Variants in GNB1L observed in about 807,000 individuals in gnomAD.
GNB1L encodes the protein guanine nucleotide-binding protein subunit beta-like protein 1.
GNB1L carries 20 observed loss-of-function variants against 29.1 expected under a neutral mutation model. The observed-to-expected ratio is 0.69, with a 90% CI of 0.48 to 1.00. The LOEUF (loss-of-function observed/expected upper bound fraction) is 1.00, where lower values mean the gene tolerates loss of function less well. Among genes scored for constraint, GNB1L ranks in the 50% least tolerant of loss-of-function variants. GNB1L has a pLI of 0.00. For missense variants in GNB1L, 421 were observed against 464.9 expected, an observed-to-expected ratio of 0.91 and a Z score of 0.87; for synonymous variants, 193 against 206.5, an observed-to-expected ratio of 0.93 and a Z score of 0.56.
intron 2 of GNB1L, chr22:19,847,222 C>T (rs560877715): frequency 2.1e-4 from 209 of 985,480 alleles, no homozygotes; most frequent in Middle Eastern, 1.0e-3. Context: ...GCCCCAGCCA[C>T]GGTGGCCCAC....
intron 7 of GNB1L, among the ~76,000 whole-genome samples, chr22:19,800,518 C>G (rs1263151421): frequency 6.6e-6 from 1 of 152,186 alleles, no homozygotes; most frequent in African/African-American, 2.4e-5. Context: ...GACCCAGCAC[C>G]CAGAGTGGCT....
chr22:19,806,090 C>T (rs752323878), intron 6 of GNB1L, among the ~76,000 whole-genome samples: 243 of 152,280 alleles, frequency 1.6e-3, no homozygotes, highest in Admixed American at 6.3e-3. Flanking sequence ...CCGACCTGTG[C>T]CCCGGCTGAT....
At chr22:19,840,962 T>C (rs113216452) in intron 2 of GNB1L, among the ~76,000 whole-genome samples, 3,696 of 152,318 alleles carry the variant, frequency 0.024, 150 homozygotes, top group African/African-American at 0.085. Flanking sequence ...GCCTGACCAG[T>C]GCTCCTCAAA....
chr22:19,800,229 G>A (rs1937353812), intron 7 of GNB1L, among the ~76,000 whole-genome samples: 1 of 152,238 alleles, frequency 6.6e-6, no homozygotes, highest in Non-Finnish European at 1.5e-5. Flanking sequence ...TCCAGCAGCT[G>A]TTTCCCAAAC....
rs377033208 is a variant in GNB1L, at chr22:19,784,604, C to T, written c.*4105G>A. On this transcript the variant is annotated 3_prime_UTR_variant, in exon 8 of 8. Coordinates refer to ENST00000329517, the MANE Select transcript of GNB1L (RefSeq NM_053004.3). ...GCCCGCGGATGGGGTGCTGGCCGAA[C>T]CTACCTTGTAAAGTGGGGCTGCACA... 10 of 152,504 alleles carry T rather than the reference C, an allele frequency of 6.6e-5. No homozygotes were observed. In the South Asian group the frequency reaches 1.7e-3, roughly 25 times the overall value. The allele number at this position is 152,504 out of a possible 1,614,324, so 9.4% of individuals were successfully genotyped here.
At chr22:19,848,235 G>T (rs1238148063) in intron 2 of GNB1L, 22 of 985,106 alleles carry the variant, frequency 2.2e-5, no homozygotes, top group Non-Finnish European at 2.5e-5. Flanking sequence ...ATTTCCAAGG[G>T]AAGTGAAGGA....
At chr22:19,827,452 G>C (rs1937628126) in intron 2 of GNB1L, among the ~76,000 whole-genome samples, 3 of 152,146 alleles carry the variant, frequency 2.0e-5, no homozygotes. Context: ...AGAAAGACAA[G>C]TCCACACTGG....
rs2145856405 is a variant in GNB1L at position 19,786,773 on chromosome 22, G to A, written c.*1936C>T. ...GTGACAGCCTGTGATGAGCACCCAG[G>A]GCACAGCTCCCTCAGCACCTGCAGT... On this transcript the variant is annotated 3_prime_UTR_variant, in exon 8 of 8. Coordinates refer to ENST00000329517, the MANE Select transcript of GNB1L (RefSeq NM_053004.3). 6.6e-6 allele frequency: 1 copy of A among 152,390 alleles called. No homozygotes were observed. The highest frequency in any genetic ancestry group is 2.1e-4 in the South Asian group (1 of 4,824). 9.4% of individuals were successfully genotyped at this position (152,390 alleles called of 1,614,324 possible).
Position 19,811,765 on chromosome 22 carries a change from C to T in GNB1L, c.417+520G>A, listed in dbSNP as rs192156285. 2.1e-3 allele frequency among the ~76,000 whole-genome samples: 327 copies of T among 152,238 alleles called. 1 individual carries two copies. The highest frequency in any genetic ancestry group is 7.5e-3 in the African/African-American group (312 of 41,522). On this transcript the variant is annotated intron_variant, in intron 5 of 7. Coordinates refer to ENST00000329517, the MANE Select transcript of GNB1L (RefSeq NM_053004.3). Reference sequence around the variant, plus strand: ...ATCACCACCTTGTGCCTGCACCCACCCATCCCAGCCCTGGTTGTGTGCCCT... The same window carrying T: ...ATCACCACCTTGTGCCTGCACCCACTCATCCCAGCCCTGGTTGTGTGCCCT...
intron 4 of GNB1L, among the ~76,000 whole-genome samples, chr22:19,814,407 AG>A (rs1325409544): frequency 2.0e-5 from 3 of 152,280 alleles, no homozygotes; most frequent in Admixed American, 2.0e-4. Flanking sequence ...CCCAGATGTT[AG>A]TAATTACTGC....
intron 2 of GNB1L, chr22:19,846,878 T>A: frequency 1.4e-5 from 13 of 956,736 alleles, no homozygotes; most frequent in Non-Finnish European, 1.5e-5. Flanking sequence ...TTAAGTCCCC[T>A]AGCCTGCGGT....
At chr22:19,829,626 T>C (rs985286872) in intron 2 of GNB1L, among the ~76,000 whole-genome samples, 6 of 152,146 alleles carry the variant, frequency 3.9e-5, no homozygotes, top group Non-Finnish European at 8.8e-5. Flanking sequence ...CAAGACCCAA[T>C]ATCACATTAA....
rs1192904818 is a variant in GNB1L at position 19,786,276 on chromosome 22, A to ACACT, written c.*2429_*2432dup. 14 of 152,300 alleles carry ACACT rather than the reference A, an allele frequency of 9.2e-5. No individual in the cohort carries two copies. Among genetic ancestry groups the ACACT allele is most frequent in the Non-Finnish European group, 1.9e-4 (13 of 68,110 alleles). 9.4% of individuals were successfully genotyped at this position (152,300 alleles called of 1,614,324 possible). ...GAGATTCAGAACAAGATGTGCCTGG[A>ACACT]CACTGCTCAACGCCACATGGCCTGG... On this transcript the variant is annotated 3_prime_UTR_variant, in exon 8 of 8. Coordinates refer to ENST00000329517, the MANE Select transcript of GNB1L (RefSeq NM_053004.3).
At position 19,787,769 on chromosome 22, in the gene GNB1L, C is replaced by G. The variant is rs1937204453; in HGVS notation, c.*940G>C. ...TGGGCCCCACTCCAATATTCAGGGT[C>G]ATGGTTCTTTCCCAATCAACACCCG... On this transcript the variant is annotated 3_prime_UTR_variant, in exon 8 of 8. Transcript: ENST00000329517. The G allele has an allele frequency of 6.6e-6, 1 of 152,442 alleles. No individual in the cohort carries two copies. Among genetic ancestry groups the G allele is most frequent in the Non-Finnish European group, 1.5e-5 (1 of 68,194 alleles). 9.4% of individuals were successfully genotyped at this position (152,442 alleles called of 1,614,324 possible). A position where few individuals can be genotyped will look rare whatever the true frequency, so the allele number is the denominator to read the frequency against.
chr22:19,827,171 T>C (rs1279206493), intron 2 of GNB1L, among the ~76,000 whole-genome samples: 2 of 152,222 alleles, frequency 1.3e-5, no homozygotes, highest in Non-Finnish European at 2.9e-5. Flanking sequence ...CAGTATTTTA[T>C]GTAGAAGAAT....
intron 7 of GNB1L, among the ~76,000 whole-genome samples, chr22:19,789,446 C>T (rs1937227234): frequency 6.6e-6 from 1 of 152,104 alleles, no homozygotes; most frequent in African/African-American, 2.4e-5. Flanking sequence ...TATGTGAACC[C>T]CCAAGCTCGA....
chr22:19,801,292 C>G (rs1937367766), intron 7 of GNB1L, among the ~76,000 whole-genome samples: 1 of 152,182 alleles, frequency 6.6e-6, no homozygotes, highest in South Asian at 2.1e-4. Flanking sequence ...CAGGCCACAC[C>G]CAGCACCTCA....
At position 19,806,797 on chromosome 22, in the gene GNB1L, G is replaced by A. The variant is rs971966953; in HGVS notation, c.418-40C>T. 3.6e-6 allele frequency: 5 copies of A among 1,381,740 alleles called. No individual in the cohort carries two copies. In the African/African-American group the frequency reaches 5.7e-5, roughly 16 times the overall value. The allele number at this position is 1,381,740 out of a possible 1,614,324, so 85.6% of individuals were successfully genotyped here. On this transcript the variant is annotated intron_variant, in intron 5 of 7. Transcript: ENST00000329517. ...ACAAGTTGATTTGGGCCGTCGCCAAGTCGAGTCTGCGCTATACAAACAAGA... is the reference window on the plus strand; with the variant it reads ...ACAAGTTGATTTGGGCCGTCGCCAAATCGAGTCTGCGCTATACAAACAAGA...
chr22:19,809,145 CT>C (rs1417426628), intron 5 of GNB1L, among the ~76,000 whole-genome samples: 4 of 151,900 alleles, frequency 2.6e-5, no homozygotes, highest in Non-Finnish European at 4.4e-5. Context: ...CACCCCCATT[CT>C]GTGCCTTTAA....
Sources: gnomAD v4.1 joint callset for allele counts (sites outside exome capture counted in the v4.1 genomes callset) on GRCh38, gnomAD v4.1.1 for gene constraint, MANE v1.5 for transcripts, NCBI Gene and HGNC (gene_info 2026-07-23, HGNC 2026-07-21) for gene names.